Variants in COL21A1 observed in about 807,000 individuals in gnomAD.
COL21A1 encodes the protein collagen type XXI alpha 1 chain, also known as collagen alpha-1(XXI) chain.
In COL21A1, 149 loss-of-function variants were observed where a neutral mutation model predicts 137.9. The observed-to-expected ratio is 1.08, with a 90% CI of 0.95 to 1.24. The LOEUF is 1.24. Ranked by LOEUF, COL21A1 falls within the 50% of genes most tolerant of loss-of-function variation. The probability of loss-of-function intolerance (pLI) is 0.00; values close to 1 mark genes in which losing one functional copy is unlikely to be tolerated. For missense variants in COL21A1, 1,167 were observed against 1,158.4 expected, an observed-to-expected ratio of 1.01 and a Z score of -0.11; for synonymous variants, 456 against 391.5, an observed-to-expected ratio of 1.16 and a Z score of -1.95.
intron 1 of COL21A1, among the ~76,000 whole-genome samples, chr6:56,189,879 A>G (rs534014324): frequency 2.0e-5 from 3 of 152,336 alleles, no homozygotes; most frequent in Admixed American, 2.0e-4. Flanking sequence ...AAGCTTCATA[A>G]GCTAAGGAGA....
intron 17 of COL21A1, among the ~76,000 whole-genome samples, chr6:56,094,013 G>A (rs1769099488): frequency 6.6e-6 from 1 of 152,104 alleles, no homozygotes; most frequent in Admixed American, 6.6e-5. Context: ...GCGTAACAGT[G>A]AATCTGCTAA....
chr6:56,061,589 AC>A, intron 25 of COL21A1, 59 bp downstream of exon 25: 1 of 1,220,004 alleles, frequency 8.2e-7, no homozygotes, highest in Non-Finnish European at 1.2e-6. Flanking sequence ...TAGTATTGAA[AC>A]CCAAGCAAAA....
At chr6:56,260,692 G>GAAGT (rs1407715494) in intron 1 of COL21A1, among the ~76,000 whole-genome samples, 16 of 114,400 alleles carry the variant, frequency 1.4e-4, no homozygotes, top group African/African-American at 4.4e-4. Flanking sequence ...AGGAAGGAAG[G>GAAGT]CAGGCAGGCA....
At chr6:56,303,014 A>C (rs552431238) in intron 1 of COL21A1, among the ~76,000 whole-genome samples, 1 of 152,100 alleles carries the variant, frequency 6.6e-6, no homozygotes, top group African/African-American at 2.4e-5. Flanking sequence ...TGTTTTTCTC[A>C]GGTTTGTCAA....
At chr6:56,301,103 A>G (rs1764269203) in intron 1 of COL21A1, among the ~76,000 whole-genome samples, 1 of 152,154 alleles carries the variant, frequency 6.6e-6, no homozygotes, top group African/African-American at 2.4e-5. Context: ...AAGCAGAATA[A>G]TGGTTTCCCA....
chr6:56,376,563 C>T (rs190782175), intron 1 of COL21A1, among the ~76,000 whole-genome samples: 1 of 151,834 alleles, frequency 6.6e-6, no homozygotes. Context: ...GCAAGTTGAA[C>T]TTGGATTCAA....
At chr6:56,357,518 T>G (rs1765862157) in intron 1 of COL21A1, among the ~76,000 whole-genome samples, 1 of 152,222 alleles carries the variant, frequency 6.6e-6, no homozygotes, top group Non-Finnish European at 1.5e-5. Flanking sequence ...CTGATTGTGA[T>G]TTCTGAAAAA....
chr6:56,101,439 C>A, intron 17 of COL21A1, 33 bp downstream of exon 17: 1 of 1,513,440 alleles, frequency 6.6e-7, no homozygotes, highest in South Asian at 1.2e-5. Flanking sequence ...AAAAGAACTT[C>A]ATCTTTTAGA....
chr6:56,384,635 A>T (rs1018415), intron 1 of COL21A1, among the ~76,000 whole-genome samples: 46,184 of 152,096 alleles, frequency 0.3, 8,024 homozygotes, highest in East Asian at 0.62. Context: ...ATTCTGGCCC[A>T]CAAACAACAG....
rs760335011 is a variant in COL21A1, at chr6:56,114,028, G to T, written c.1758+10034C>A. ...AAGGACTGCGTCTTGTGGTTTAAGT[G>T]CCAGCTCTGCTGCAACACAACAGTA... is the stretch of plus-strand genomic sequence containing the variant. On this transcript the variant is annotated intron_variant, in intron 16 of 29. Transcript: ENST00000244728. Among the ~76,000 whole-genome samples the T allele has an allele frequency of 3.0e-4, 46 of 152,332 alleles. 1 individual carries two copies. Among genetic ancestry groups the T allele is most frequent in the Admixed American group, 2.1e-3 (32 of 15,304 alleles).
chr6:56,393,816 T>C (rs1396276833), intron 1 of COL21A1, among the ~76,000 whole-genome samples: 1 of 152,138 alleles, frequency 6.6e-6, no homozygotes, highest in Non-Finnish European at 1.5e-5. Flanking sequence ...CTGGCGGACC[T>C]GGCAATACAG....
rs539958253 is a variant in COL21A1 at position 56,297,311 on chromosome 6, A to T, written c.-39+96660T>A. Among the ~76,000 whole-genome samples, 3 of 152,174 alleles carry T rather than the reference A, an allele frequency of 2.0e-5. No homozygotes were observed. In the South Asian group the frequency reaches 6.2e-4, roughly 32 times the overall value. On this transcript the variant is annotated intron_variant, in intron 1 of 28. Coordinates refer to the COL21A1 transcript ENST00000370819. Reference sequence around the variant, plus strand: ...TCTCAGTAAATTCCTCCCCAAAAAAACCTGCAAATCTCAGAATTCCCTTCA... The same window carrying T: ...TCTCAGTAAATTCCTCCCCAAAAAATCCTGCAAATCTCAGAATTCCCTTCA...
chr6:56,151,118 C>T (rs908409037), intron 10 of COL21A1, among the ~76,000 whole-genome samples: 2 of 151,398 alleles, frequency 1.3e-5, no homozygotes, highest in African/African-American at 4.9e-5. Context: ...CCCAGCTACT[C>T]GGGAGGCTGA....
intron 16 of COL21A1, among the ~76,000 whole-genome samples, chr6:56,114,269 T>G (rs1231707449): frequency 6.6e-6 from 1 of 152,184 alleles, no homozygotes. Context: ...GACCCAGTGC[T>G]GTGCTGGCTT....
intron 1 of COL21A1, among the ~76,000 whole-genome samples, chr6:56,210,938 T>A (rs1449814765): frequency 6.6e-6 from 1 of 151,828 alleles, no homozygotes; most frequent in Non-Finnish European, 1.5e-5. Context: ...TATTTTTGAG[T>A]CAATCAGAGA....
intron 17 of COL21A1, among the ~76,000 whole-genome samples, chr6:56,090,894 G>T (rs1453651438): frequency 1.3e-5 from 2 of 152,038 alleles, no homozygotes; most frequent in Admixed American, 1.3e-4. Context: ...CACATACTTG[G>T]TATGTACCAC....
chr6:56,066,724 A>G (rs2114068358), intron 23 of COL21A1, among the ~76,000 whole-genome samples: 1 of 151,848 alleles, frequency 6.6e-6, no homozygotes, highest in Non-Finnish European at 1.5e-5. Flanking sequence ...TTGAGGTGAA[A>G]CTATCCTTGT....
intron 1 of COL21A1, among the ~76,000 whole-genome samples, chr6:56,193,542 T>C (rs1233870366): frequency 2.6e-5 from 4 of 152,144 alleles, no homozygotes; most frequent in Non-Finnish European, 5.9e-5. Context: ...GTGGCACAAG[T>C]AAACTTCCTG....
At chr6:56,328,385 T>C (rs570237765) in intron 1 of COL21A1, among the ~76,000 whole-genome samples, 1 of 152,244 alleles carries the variant, frequency 6.6e-6, no homozygotes, top group Non-Finnish European at 1.5e-5. Context: ...GTCTCTTCAA[T>C]TGCCATTGGT....
Sources: allele counts gnomAD v4.1 joint callset (sites outside exome capture counted in the v4.1 genomes callset), GRCh38; gene constraint gnomAD v4.1.1; transcripts MANE v1.5; gene names NCBI Gene and HGNC (gene_info 2026-07-23, HGNC 2026-07-21).